Variants in TRIM27 observed in about 807,000 individuals in gnomAD.
The protein encoded by TRIM27 is tripartite motif containing 27, also known as zinc finger protein RFP.
A neutral mutation model predicts 57.6 loss-of-function variants in TRIM27; 12 were observed. That is an observed-to-expected ratio of 0.21 (90% CI 0.13 to 0.34). TRIM27 has a LOEUF of 0.34. Ranked by LOEUF, TRIM27 falls within the 10% of genes least tolerant of loss-of-function variation. The probability of loss-of-function intolerance (pLI) is 1.00; values close to 1 mark genes in which losing one functional copy is unlikely to be tolerated. For missense variants in TRIM27, 403 were observed against 656.8 expected (o/e 0.61, Z 4.22); for synonymous variants, 266 against 259.0 (o/e 1.03, Z -0.26).
At chr6:28,909,343 G>C (rs1773009245) in intron 4 of TRIM27, among the ~76,000 whole-genome samples, 1 of 152,154 alleles carries the variant, frequency 6.6e-6, no homozygotes, top group African/African-American at 2.4e-5. Context: ...CTGACCTCAG[G>C]TGATCCTCCC....
chr6:28,905,605 G>GTA (rs2150457951), intron 7 of TRIM27: 2 of 152,656 alleles, frequency 1.3e-5, no homozygotes, highest in African/African-American at 4.8e-5. Flanking sequence ...CACCCAGACT[G>GTA]TAGTACAGTG....
At chr6:28,923,023 G>T (rs929042) in intron 1 of TRIM27, among the ~76,000 whole-genome samples, 190 bp downstream of exon 1, 129 of 152,188 alleles carry the variant, frequency 8.5e-4, no homozygotes, top group African/African-American at 3.0e-3. Flanking sequence ...GACACTCCTG[G>T]CTTCCTCGCC....
intron 2 of TRIM27, among the ~76,000 whole-genome samples, chr6:28,920,496 C>T (rs1026108057): frequency 6.6e-4 from 101 of 152,174 alleles, no homozygotes; most frequent in African/African-American, 2.3e-3. Flanking sequence ...TATACATAGT[C>T]ATGGATGGGT....
chr6:28,908,085 T>C (rs1373954544), intron 6 of TRIM27: 1 of 166,054 alleles, frequency 6.0e-6, no homozygotes, highest in Non-Finnish European at 1.3e-5. Context: ...GAATAATATA[T>C]GGCCAACTCT....
intron 1 of TRIM27, among the ~76,000 whole-genome samples, chr6:28,922,469 A>C (rs111676573): frequency 2.2e-3 from 330 of 152,318 alleles, no homozygotes; most frequent in Non-Finnish European, 4.2e-3. Flanking sequence ...AGGTCCATAA[A>C]TGTTAAGTGA....
At chr6:28,907,508 A>G (rs1467491340) in intron 6 of TRIM27, 1 of 690,964 alleles carries the variant, frequency 1.4e-6, no homozygotes, top group East Asian at 2.8e-5. Context: ...CTGGTAGAAT[A>G]TGGGATAAAA....
rs373765143 is a variant in TRIM27, at chr6:28,908,885, C to T, written c.887-45G>A. On this transcript the variant is annotated intron_variant, in intron 5 of 7. Coordinates refer to ENST00000377199, the MANE Select transcript of TRIM27 (RefSeq NM_006510.5). ...AAATATTCAGTCTGCATCCCACTAT[C>T]TGGCTGGAAAATTATCCTCTTCATC... is the stretch of plus-strand genomic sequence containing the variant. 63 of 1,610,978 alleles carry T rather than the reference C, an allele frequency of 3.9e-5. 1 individual carries two copies. In the Admixed American group the frequency reaches 9.9e-4, roughly 25 times the overall value.
chr6:28,919,902 T>A, intron 3 of TRIM27, 110 bp downstream of exon 3: 1 of 1,004,482 alleles, frequency 1.0e-6, no homozygotes, highest in South Asian at 1.7e-5. Context: ...AAGCTCTTGC[T>A]ATTCCTGCAG....
intron 2 of TRIM27, among the ~76,000 whole-genome samples, chr6:28,921,027 T>A (rs1773988560): frequency 6.6e-6 from 1 of 152,124 alleles, no homozygotes; most frequent in Non-Finnish European, 1.5e-5. Context: ...TAATTTACTG[T>A]CCTTCGTTCT....
chr6:28,923,789 A>G lies in TRIM27; in HGVS notation c.-157T>C. ...GCCCGTATCCCAGACGCGCCCGCGCACCGAAGGCTTGGAGTGGCCGGGCCG... is the reference window on the plus strand; with the variant it reads ...GCCCGTATCCCAGACGCGCCCGCGCGCCGAAGGCTTGGAGTGGCCGGGCCG... On this transcript the variant is annotated 5_prime_UTR_variant, in exon 1 of 8. Coordinates refer to ENST00000377199, the MANE Select transcript of TRIM27 (RefSeq NM_006510.5). 2 of 818,140 alleles carry G rather than the reference A, an allele frequency of 2.4e-6. No individual in the cohort carries two copies. The highest frequency in any genetic ancestry group is 1.8e-6 in the Non-Finnish European group (1 of 545,980). 50.7% of individuals were successfully genotyped at this position (818,140 alleles called of 1,614,324 possible).
At position 28,923,603 on chromosome 6, in the gene TRIM27, C is replaced by T; in HGVS notation, c.30G>A (p.Leu10=). 1 of 1,598,002 alleles carries T rather than the reference C, an allele frequency of 6.3e-7. No individual in the cohort carries two copies. The highest frequency in any genetic ancestry group is 1.1e-5 in the South Asian group (1 of 90,154). The stretch of plus-strand genomic sequence containing the variant: ...ACACGGGGCAGGTGGTCTCCTGCTG[C>T]AGGCACTCGGCCACACTCCCGGAGG... MASGSVAEC[L]QQETTCPVCL... is the part of the protein sequence containing the mutation. The change falls in exon 1 of 8, where the codon CTG becomes CTA. Residue 10 remains leucine, a synonymous_variant. Transcript: ENST00000377199.
intron 3 of TRIM27, among the ~76,000 whole-genome samples, chr6:28,918,018 G>A (rs558752269): frequency 6.6e-6 from 1 of 151,844 alleles, no homozygotes. Context: ...TAGAGATGGG[G>A]TTTCTCCATG....
Position 28,904,983 on chromosome 6 carries a change from G to GC in TRIM27, c.947-319_947-318insG. ...GCTGGAGCGCAGTGGTGTGGTCATA[G>GC]TTCATTGTAACCCCAAACTCCTGGG... On this transcript the variant is annotated intron_variant, in intron 7 of 7. Transcript: ENST00000377199. This position sits in a 1 kb window ranked among gnomAD's most constrained non-coding sequence, Gnocchi z 6.1. 2 of 328,344 alleles carry GC rather than the reference G, an allele frequency of 6.1e-6. No homozygotes were observed. The highest frequency in any genetic ancestry group is 1.1e-5 in the Non-Finnish European group (2 of 178,696). 20.3% of individuals were successfully genotyped at this position (328,344 alleles called of 1,614,324 possible).
chr6:28,909,176 C>T (rs1430756468), intron 4 of TRIM27, 88 bp from the exon 5 acceptor site: 31 of 881,854 alleles, frequency 3.5e-5, no homozygotes, highest in South Asian at 3.3e-4. Flanking sequence ...GGCGCCATCT[C>T]GGCCCACCGC....
Position 28,904,172 on chromosome 6 carries a change from T to A in TRIM27, c.1440A>T (p.Gly480=). 3.1e-6 allele frequency: 5 copies of A among 1,612,900 alleles called. No individual in the cohort carries two copies. Among genetic ancestry groups the A allele is most frequent in the African/African-American group, 1.3e-5 (1 of 74,986 alleles). Residue 480 remains glycine (G), a synonymous_variant, in exon 8 of 8, where the codon GGA becomes GGT. Transcript: ENST00000377199. The surrounding 1 kb of genome is among the most constrained non-coding windows in gnomAD (Gnocchi z 6.1). ...VRPYFSLSYS[G]GKSAAPLIIC... ...TGATCAGAGGAGCTGCACTTTTCCC[T>A]CCCGAGTAACTCAGACTGAAGTAGG...
intron 3 of TRIM27, among the ~76,000 whole-genome samples, chr6:28,918,402 T>C (rs567103857): frequency 1.4e-4 from 22 of 152,132 alleles, no homozygotes; most frequent in Non-Finnish European, 2.8e-4. Flanking sequence ...ATTATTCCAT[T>C]GTGATAGTTC....
At chr6:28,908,639 C>A in intron 6 of TRIM27, 169 bp downstream of exon 6, 1 of 600,206 alleles carries the variant, frequency 1.7e-6, no homozygotes, top group Non-Finnish European at 2.9e-6. Context: ...CAAATTAGAA[C>A]AAGAAGCTGT....
At position 28,908,958 on chromosome 6, in the gene TRIM27, C is replaced by T. The variant is rs1772976914; in HGVS notation, c.886+15G>A. The stretch of plus-strand genomic sequence containing the variant: ...ATAAATCCATTTCCCCTCATGACAC[C>T]TCTCCTCACATTACCTGTGAACTGC... On this transcript the variant is annotated intron_variant, in intron 5 of 7. Transcript: ENST00000377199. 1.2e-6 allele frequency: 2 copies of T among 1,607,212 alleles called. No homozygotes were observed.
Position 28,904,840 on chromosome 6 carries a change from G to T in TRIM27, c.947-175C>A. 1.7e-6 allele frequency: 1 copy of T among 583,556 alleles called. No individual in the cohort carries two copies. Among genetic ancestry groups the T allele is most frequent in the Non-Finnish European group, 3.0e-6 (1 of 332,154 alleles). 36.1% of individuals were successfully genotyped at this position (583,556 alleles called of 1,614,324 possible). ...CAAAAATTACTGCTTGGATTAGCTGGTTACCAGAATACTCTGAAAATACAG... is the reference window on the plus strand; with the variant it reads ...CAAAAATTACTGCTTGGATTAGCTGTTTACCAGAATACTCTGAAAATACAG... On this transcript the variant is annotated intron_variant, in intron 7 of 7. Coordinates refer to ENST00000377199, the MANE Select transcript of TRIM27 (RefSeq NM_006510.5). The surrounding 1 kb of genome is among the most constrained non-coding windows in gnomAD (Gnocchi z 6.1).
Sources: allele counts gnomAD v4.1 joint callset (sites outside exome capture counted in the v4.1 genomes callset), GRCh38; gene constraint gnomAD v4.1.1; non-coding constraint Gnocchi (gnomAD v3.1); transcripts MANE v1.5; gene names NCBI Gene and HGNC (gene_info 2026-07-23, HGNC 2026-07-21).